The following B3GLCT variants were observed in gnomAD, a reference collection of about 807,000 sequenced individuals.
B3GLCT encodes the protein beta-1,3-glucosyltransferase.
B3GLCT carries 65 observed loss-of-function variants against 63.4 expected under a neutral mutation model. The ratio of observed to expected loss-of-function variants is 1.03; its 90% CI spans 0.84 to 1.26. The LOEUF is 1.26. Ranked by LOEUF, B3GLCT falls within the 50% of genes most tolerant of loss-of-function variation. The probability of loss-of-function intolerance (pLI) is 0.00; values close to 1 mark genes in which losing one functional copy is unlikely to be tolerated. For missense variants in B3GLCT, 577 were observed against 604.8 expected (o/e 0.95, Z 0.48); for synonymous variants, 233 against 219.2 (o/e 1.06, Z -0.55).
intron 12 of B3GLCT, among the ~76,000 whole-genome samples, chr13:31,313,180 A>G (rs1593315223): frequency 6.6e-6 from 1 of 152,170 alleles, no homozygotes; most frequent in Non-Finnish European, 1.5e-5. Flanking sequence ...TGATCTTTTC[A>G]TGTACTTTGT....
intron 4 of B3GLCT, among the ~76,000 whole-genome samples, chr13:31,236,655 T>G (rs1870659708): frequency 6.6e-6 from 1 of 152,252 alleles, no homozygotes; most frequent in African/African-American, 2.4e-5. Flanking sequence ...CATAGTGAGC[T>G]GTTACAGCTT....
chr13:31,329,180 T>G (rs997773992), intron 14 of B3GLCT, among the ~76,000 whole-genome samples: 1 of 152,194 alleles, frequency 6.6e-6, no homozygotes, highest in Non-Finnish European at 1.5e-5. Flanking sequence ...TGTGCAGAAG[T>G]GATAATAGTA....
At chr13:31,310,086 G>T (rs1267026290) in intron 12 of B3GLCT, among the ~76,000 whole-genome samples, 1 of 152,162 alleles carries the variant, frequency 6.6e-6, no homozygotes, top group Non-Finnish European at 1.5e-5. Flanking sequence ...GGGGTCCACA[G>T]CCAGGAGTGA....
chr13:31,245,549 A>G (rs1224625444), intron 4 of B3GLCT, among the ~76,000 whole-genome samples: 1 of 152,156 alleles, frequency 6.6e-6, no homozygotes, highest in East Asian at 1.9e-4. Flanking sequence ...TCTATTAAAC[A>G]TAAAGACATT....
At chr13:31,215,167 A>G (rs1869496884) in intron 2 of B3GLCT, 67 bp downstream of exon 2, 1 of 1,371,782 alleles carries the variant, frequency 7.3e-7, no homozygotes. Context: ...TCTGATAGGA[A>G]TAGTAATCAT....
In B3GLCT at chr13:31,200,116, C is replaced by T. The variant is rs1868555417; in HGVS notation, c.32C>T (p.Ala11Val). 2.2e-6 allele frequency: 3 copies of T among 1,376,164 alleles called. No individual in the cohort carries two copies. Among genetic ancestry groups the T allele is most frequent in the Middle Eastern group, 5.4e-4 (2 of 3,722 alleles). 85.2% of individuals were successfully genotyped at this position (1,376,164 alleles called of 1,614,324 possible). MRPPACWWLL[A>V]PPALLALLTC... ...CCGCCCGCCTGCTGGTGGCTGCTCG[C>T]GCCGCCGGCGCTGCTCGCGCTCCTC... Residue 11 changes from alanine (A) to valine (V), a missense_variant, in exon 1 of 15, where the codon GCG becomes GTG. Physicochemically the swap from Ala to Val is moderately conservative, Grantham distance 64 (BLOSUM62 0). Coordinates refer to ENST00000343307, the MANE Select transcript of B3GLCT (RefSeq NM_194318.4).
intron 11 of B3GLCT, among the ~76,000 whole-genome samples, chr13:31,285,009 A>T (rs1593296797): frequency 6.6e-6 from 1 of 152,196 alleles, no homozygotes; most frequent in Non-Finnish European, 1.5e-5. Flanking sequence ...ATTTAACAAT[A>T]GATTTTTCAT....
intron 12 of B3GLCT, among the ~76,000 whole-genome samples, chr13:31,294,924 C>T (rs542724727): frequency 1.3e-5 from 2 of 151,982 alleles, no homozygotes; most frequent in East Asian, 1.9e-4. Flanking sequence ...CCATTTTGCA[C>T]TGGTTTTTCC....
chr13:31,215,247 C>A, intron 2 of B3GLCT, 147 bp downstream of exon 2: 1 of 813,012 alleles, frequency 1.2e-6, no homozygotes, highest in Non-Finnish European at 2.0e-6. Flanking sequence ...TTTTGAATCC[C>A]TAATGCAACC....
intron 10 of B3GLCT, among the ~76,000 whole-genome samples, chr13:31,277,412 A>G (rs1872850031): frequency 6.6e-6 from 1 of 152,066 alleles, no homozygotes. Context: ...CCCATCCTAA[A>G]TATAAATAGA....
intron 4 of B3GLCT, among the ~76,000 whole-genome samples, chr13:31,231,465 G>A (rs1450550583): frequency 6.6e-6 from 1 of 152,136 alleles, no homozygotes; most frequent in Non-Finnish European, 1.5e-5. Flanking sequence ...CCATACCAGT[G>A]GTCCTTTCCA....
At chr13:31,233,992 C>T (rs910598722) in intron 4 of B3GLCT, among the ~76,000 whole-genome samples, 4 of 148,654 alleles carry the variant, frequency 2.7e-5, no homozygotes, top group Non-Finnish European at 6.0e-5. Context: ...GAAGGGCCAT[C>T]AGCAGGCAGT....
chr13:31,320,803 C>T (rs1273705561), intron 13 of B3GLCT, among the ~76,000 whole-genome samples: 1 of 152,094 alleles, frequency 6.6e-6, no homozygotes, highest in Admixed American at 6.5e-5. Context: ...TTTTCCTCTC[C>T]TCCCAAGATA....
At chr13:31,254,230 G>C (rs2313817) in intron 6 of B3GLCT, among the ~76,000 whole-genome samples, 1 of 151,992 alleles carries the variant, frequency 6.6e-6, no homozygotes, top group Non-Finnish European at 1.5e-5. Context: ...ACAATAAAAA[G>C]AGAAAATTTC....
At chr13:31,232,814 C>T (rs921248164) in intron 4 of B3GLCT, among the ~76,000 whole-genome samples, 1 of 152,184 alleles carries the variant, frequency 6.6e-6, no homozygotes, top group African/African-American at 2.4e-5. Context: ...TGTTACCTGT[C>T]TCTTTTACAA....
chr13:31,201,633 T>C (rs557802033), intron 1 of B3GLCT, among the ~76,000 whole-genome samples: 3 of 152,272 alleles, frequency 2.0e-5, no homozygotes, highest in Non-Finnish European at 4.4e-5. Flanking sequence ...GTAGCTGAAA[T>C]TGGTATTCTA....
chr13:31,265,382 G>A (rs1444136283), intron 7 of B3GLCT, among the ~76,000 whole-genome samples: 2 of 152,182 alleles, frequency 1.3e-5, no homozygotes, highest in Admixed American at 1.3e-4. Flanking sequence ...AGACAACCAA[G>A]AAGGCCAGTC....
At chr13:31,259,059 A>G (rs1871886823) in intron 6 of B3GLCT, among the ~76,000 whole-genome samples, 1 of 151,728 alleles carries the variant, frequency 6.6e-6, no homozygotes. Flanking sequence ...TATTTTTTTG[A>G]ATTACTAACT....
intron 6 of B3GLCT, among the ~76,000 whole-genome samples, chr13:31,257,664 C>G (rs1323437017): frequency 4.6e-5 from 7 of 151,678 alleles, no homozygotes; most frequent in Non-Finnish European, 1.0e-4. Context: ...CCTAAGAGTA[C>G]TCATGTATGG....
Sources: gnomAD v4.1 joint callset for allele counts (sites outside exome capture counted in the v4.1 genomes callset) on GRCh38, gnomAD v4.1.1 for gene constraint, MANE v1.5 for transcripts, NCBI Gene and HGNC (gene_info 2026-07-23, HGNC 2026-07-21) for gene names.